The following SCP2 variants were observed in gnomAD, a reference collection of about 807,000 sequenced individuals.
SCP2 encodes the protein SCP-2/3-oxoacyl-CoA thiolase.
SCP2 carries 48 observed loss-of-function variants against 71.4 expected under a neutral mutation model. The ratio of observed to expected loss-of-function variants is 0.67; its 90% CI spans 0.53 to 0.86. The LOEUF (loss-of-function observed/expected upper bound fraction) is 0.86. SCP2 is among the 40% of genes least tolerant of loss of function. SCP2 has a pLI of 0.00. For synonymous variants in SCP2, 220 were observed against 218.1 expected, an observed-to-expected ratio of 1.01 and a Z score of -0.08; for missense variants, 560 against 655.6, an observed-to-expected ratio of 0.85 and a Z score of 1.59.
At chr1:52,949,503 G>C (rs1655102797) in intron 3 of SCP2, among the ~76,000 whole-genome samples, 1 of 152,184 alleles carries the variant, frequency 6.6e-6, no homozygotes. Context: ...AGAGTACACT[G>C]AGCAAAGGAG....
At chr1:52,931,534 G>T (rs116469367) in intron 1 of SCP2, among the ~76,000 whole-genome samples, 4,026 of 152,222 alleles carry the variant, frequency 0.026, 186 homozygotes, top group African/African-American at 0.092. Context: ...GCATGCTAAA[G>T]GGTAGTACTT....
intron 11 of SCP2, among the ~76,000 whole-genome samples, chr1:53,001,501 T>C (rs17107546): frequency 0.14 from 21,617 of 152,214 alleles, 2,258 homozygotes; most frequent in East Asian, 0.32. Flanking sequence ...GTTCTAAGTA[T>C]ACTTCATGTA....
At chr1:53,007,856 G>A (rs551185101) in intron 11 of SCP2, among the ~76,000 whole-genome samples, 1 of 151,962 alleles carries the variant, frequency 6.6e-6, no homozygotes, top group African/African-American at 2.4e-5. Context: ...TTTTTGAAGC[G>A]ATCAACAAAA....
intron 11 of SCP2, among the ~76,000 whole-genome samples, chr1:53,013,659 G>A (rs1371392033): frequency 6.6e-6 from 1 of 151,816 alleles, no homozygotes; most frequent in East Asian, 1.9e-4. Context: ...TGTCCACACT[G>A]GGAGCTACCT....
intron 1 of SCP2, among the ~76,000 whole-genome samples, chr1:52,927,836 A>G (rs546693782): frequency 6.6e-6 from 1 of 152,214 alleles, no homozygotes; most frequent in East Asian, 1.9e-4. Context: ...AGGAGCCCTC[A>G]CAGAGACAGC....
chr1:52,961,278 C>T (rs770243296), intron 5 of SCP2, among the ~76,000 whole-genome samples: 1 of 151,474 alleles, frequency 6.6e-6, no homozygotes, highest in Non-Finnish European at 1.5e-5. Flanking sequence ...TACTGGATGC[C>T]CAATAAATAT....
chr1:52,960,049 G>A (rs1431116203), intron 5 of SCP2, among the ~76,000 whole-genome samples: 1 of 151,886 alleles, frequency 6.6e-6, no homozygotes, highest in Non-Finnish European at 1.5e-5. Flanking sequence ...CTGCCACCAC[G>A]CCCAGCTAAT....
chr1:52,987,889 T>C (rs1659138765), intron 10 of SCP2, 140 bp from the exon 11 acceptor site: 2 of 640,410 alleles, frequency 3.1e-6, no homozygotes, highest in East Asian at 5.6e-5. Context: ...TAAAAGTGCT[T>C]ATGTCAAATT....
At chr1:52,976,215 G>A (rs1657950705) in intron 7 of SCP2, among the ~76,000 whole-genome samples, 2 of 151,912 alleles carry the variant, frequency 1.3e-5, no homozygotes, top group Non-Finnish European at 2.9e-5. Flanking sequence ...ATTTTTTACT[G>A]GGGCTTCATT....
At chr1:52,975,516 A>G (rs1210942322) in intron 7 of SCP2, among the ~76,000 whole-genome samples, 1 of 152,066 alleles carries the variant, frequency 6.6e-6, no homozygotes, top group African/African-American at 2.4e-5. Context: ...CATGTTGGCC[A>G]GGCTGGTCTT....
chr1:52,981,772 T>TTA (rs200727174), intron 10 of SCP2, among the ~76,000 whole-genome samples: 145 of 150,026 alleles, frequency 9.7e-4, no homozygotes, highest in African/African-American at 3.3e-3. Flanking sequence ...TGAAAATATT[T>TTA]TATATATATA....
intron 6 of SCP2, among the ~76,000 whole-genome samples, chr1:52,964,232 G>A (rs79879517): frequency 1.8e-5 from 1 of 56,112 alleles, no homozygotes; most frequent in African/African-American, 6.9e-5. Context: ...TTTTTTTTTT[G>A]AGACAGAGTC....
intron 14 of SCP2, 28 bp from the exon 15 acceptor site, chr1:53,047,827 TCTC>T (rs2150278066): frequency 6.7e-7 from 1 of 1,484,846 alleles, no homozygotes; most frequent in African/African-American, 1.4e-5. Flanking sequence ...CACCTCCTAT[TCTC>T]CTTCCTTCTC....
chr1:52,933,374 G>A (rs1253115037), intron 1 of SCP2, among the ~76,000 whole-genome samples: 1 of 151,984 alleles, frequency 6.6e-6, no homozygotes, highest in Non-Finnish European at 1.5e-5. Context: ...AAGCCCAGGA[G>A]TTTGAAACCA....
intron 6 of SCP2, among the ~76,000 whole-genome samples, chr1:52,968,540 A>G (rs965124994): frequency 2.0e-5 from 3 of 152,216 alleles, no homozygotes; most frequent in African/African-American, 7.2e-5. Flanking sequence ...TTTAAAGTGT[A>G]CAATTCAGTG....
In SCP2 at chr1:53,014,369, G is replaced by A. The variant is rs1292011646; in HGVS notation, c.1082-521G>A. On this transcript the variant is annotated intron_variant, in intron 11 of 15. Coordinates refer to ENST00000371514, the MANE Select transcript of SCP2 (RefSeq NM_002979.5). ...TGTTTCTCAGTGTTTACATCAGTAAGTTCCTTTCAGCTCTAAACATCTTTG... is the reference window on the plus strand; with the variant it reads ...TGTTTCTCAGTGTTTACATCAGTAAATTCCTTTCAGCTCTAAACATCTTTG... Among the ~76,000 whole-genome samples, 3 of 152,258 alleles carry A rather than the reference G, an allele frequency of 2.0e-5. No individual in the cohort carries two copies. The East Asian group carries it at 5.8e-4, about 29-fold the overall frequency.
At chr1:53,033,941 A>T (rs2150254023) in intron 13 of SCP2, among the ~76,000 whole-genome samples, 1 of 152,284 alleles carries the variant, frequency 6.6e-6, no homozygotes, top group East Asian at 1.9e-4. Context: ...TGTTACATCC[A>T]TACAATGGAA....
At chr1:52,954,869 T>C (rs896220870) in intron 5 of SCP2, 65 bp downstream of exon 5, 76 of 1,078,486 alleles carry the variant, frequency 7.0e-5, no homozygotes, top group Non-Finnish European at 1.1e-4. Flanking sequence ...AAGGTGATAC[T>C]TACATGTATG....
intron 14 of SCP2, among the ~76,000 whole-genome samples, chr1:53,043,591 C>A (rs1663578747): frequency 6.6e-6 from 1 of 152,182 alleles, no homozygotes; most frequent in African/African-American, 2.4e-5. Flanking sequence ...TGGTCTTGGG[C>A]AAGTTATTTG....
Sources: gnomAD v4.1 joint callset for allele counts (sites outside exome capture counted in the v4.1 genomes callset) on GRCh38, gnomAD v4.1.1 for gene constraint, MANE v1.5 for transcripts, NCBI Gene and HGNC (gene_info 2026-07-23, HGNC 2026-07-21) for gene names.